Variants in TAFA1 observed in about 807,000 individuals in gnomAD.
TAFA1 encodes the protein chemokine-like protein TAFA-1.
TAFA1 carries 4 observed loss-of-function variants against 18.5 expected under a neutral mutation model. That is an observed-to-expected ratio of 0.22 (90% CI 0.11 to 0.49). The LOEUF is 0.49. Ranked by LOEUF, TAFA1 falls within the 20% of genes least tolerant of loss-of-function variation. The probability of loss-of-function intolerance (pLI) is 0.98; values close to 1 mark genes in which losing one functional copy is unlikely to be tolerated. For synonymous variants in TAFA1, 56 were observed against 55.2 expected (o/e 1.01, Z -0.06); for missense variants, 147 against 169.0 (o/e 0.87, Z 0.72).
At chr3:68,237,025 G>A (rs951059985) in intron 2 of TAFA1, among the ~76,000 whole-genome samples, 5 of 152,184 alleles carry the variant, frequency 3.3e-5, no homozygotes, top group African/African-American at 1.2e-4. Flanking sequence ...CTCAACATAT[G>A]TAATGTTACA....
rs1452498473 is a variant in TAFA1, at chr3:68,393,235, CAAAT to C, written c.119-24041_119-24038del. Among the ~76,000 whole-genome samples the C allele has an allele frequency of 8.5e-5, 13 of 152,138 alleles. No individual in the cohort carries two copies. In the East Asian group the frequency reaches 2.5e-3, roughly 29 times the overall value. Reference sequence around the variant, plus strand: ...AGAGAATACTATAAACAACTGTACACAAATAAACTGGAAAATCTAGAAGAAATGG... The same window carrying C: ...AGAGAATACTATAAACAACTGTACACAAACTGGAAAATCTAGAAGAAATGG... On this transcript the variant is annotated intron_variant, in intron 2 of 4. Coordinates refer to ENST00000478136, the MANE Select transcript of TAFA1 (RefSeq NM_213609.4).
chr3:68,321,013 C>T (rs1315983981), intron 2 of TAFA1, among the ~76,000 whole-genome samples: 2 of 152,186 alleles, frequency 1.3e-5, no homozygotes, highest in Non-Finnish European at 2.9e-5. Context: ...GGGGGCCACA[C>T]AGACTATATT....
At chr3:68,169,139 T>C (rs140518577) in intron 2 of TAFA1, among the ~76,000 whole-genome samples, 26 of 152,114 alleles carry the variant, frequency 1.7e-4, no homozygotes, top group African/African-American at 6.0e-4. Context: ...GAATCCAGGC[T>C]GGTCTTGTAT....
chr3:68,328,128 C>A (rs1266819319), intron 2 of TAFA1, among the ~76,000 whole-genome samples: 4 of 152,222 alleles, frequency 2.6e-5, no homozygotes, highest in Non-Finnish European at 4.4e-5. Context: ...TCTAGGATCT[C>A]ATTTTTCTCA....
chr3:68,480,705 C>G (rs2072218021), intron 3 of TAFA1, among the ~76,000 whole-genome samples: 1 of 152,140 alleles, frequency 6.6e-6, no homozygotes, highest in South Asian at 2.1e-4. Flanking sequence ...TTGTTTCATA[C>G]AGCAAATAAT....
At position 68,259,852 on chromosome 3, in the gene TAFA1, T is replaced by G. The variant is rs2067377278; in HGVS notation, c.119-157428T>G. Reference sequence around the variant, plus strand: ...GAGATTTTGGGCTGAGACAATGGGTTTTTCTAGATATACAATCATGTCATC... The same window carrying G: ...GAGATTTTGGGCTGAGACAATGGGTGTTTCTAGATATACAATCATGTCATC... On this transcript the variant is annotated intron_variant, in intron 2 of 4. Coordinates refer to ENST00000478136, the MANE Select transcript of TAFA1 (RefSeq NM_213609.4). Among the ~76,000 whole-genome samples the G allele has an allele frequency of 2.0e-5, 3 of 152,236 alleles. No individual in the cohort carries two copies. In the South Asian group the frequency reaches 6.2e-4, roughly 32 times the overall value.
chr3:68,395,830 A>G (rs541241904), intron 2 of TAFA1, among the ~76,000 whole-genome samples: 1 of 152,276 alleles, frequency 6.6e-6, no homozygotes, highest in South Asian at 2.1e-4. Context: ...AGGGAGGGAT[A>G]CTATTAGGAG....
At chr3:68,223,838 A>G (rs2066761834) in intron 2 of TAFA1, among the ~76,000 whole-genome samples, 1 of 152,120 alleles carries the variant, frequency 6.6e-6, no homozygotes. Flanking sequence ...TGACTGATCA[A>G]TGCCTTCTGG....
chr3:68,352,441 G>A (rs1441790541), intron 2 of TAFA1, among the ~76,000 whole-genome samples: 11 of 152,118 alleles, frequency 7.2e-5, no homozygotes, highest in African/African-American at 2.4e-4. Flanking sequence ...GCTTCCAGAG[G>A]TGAAAAACTA....
intron 2 of TAFA1, among the ~76,000 whole-genome samples, chr3:68,379,055 T>A (rs945056366): frequency 2.6e-5 from 4 of 152,204 alleles, no homozygotes; most frequent in Admixed American, 6.5e-5. Flanking sequence ...CAAATGTTAT[T>A]TCTGTTTTCA....
At chr3:68,200,519 G>A (rs112540141) in intron 2 of TAFA1, among the ~76,000 whole-genome samples, 7,473 of 151,522 alleles carry the variant, frequency 0.049, 274 homozygotes, top group Non-Finnish European at 0.064. Flanking sequence ...AATAGATATC[G>A]GCCTATTTAA....
chr3:68,184,226 A>T (rs193145141), intron 2 of TAFA1, among the ~76,000 whole-genome samples: 1 of 152,164 alleles, frequency 6.6e-6, no homozygotes, highest in Admixed American at 6.5e-5. Context: ...ACTAACATTT[A>T]TGATAATTCA....
chr3:68,337,363 T>C (rs1004565334), intron 2 of TAFA1, among the ~76,000 whole-genome samples: 8 of 151,942 alleles, frequency 5.3e-5, no homozygotes, highest in Non-Finnish European at 7.4e-5. Context: ...TCACTTACTG[T>C]CACGAGTAGA....
intron 2 of TAFA1, among the ~76,000 whole-genome samples, chr3:68,056,809 A>C (rs921656240): frequency 6.6e-6 from 1 of 152,136 alleles, no homozygotes; most frequent in Non-Finnish European, 1.5e-5. Flanking sequence ...AGTTCCAAGA[A>C]AAAAAGCAAA....
intron 4 of TAFA1, 73 bp from the exon 5 acceptor site, chr3:68,544,413 T>C (rs2073423639): frequency 2.0e-6 from 3 of 1,478,708 alleles, no homozygotes; most frequent in African/African-American, 2.8e-5. Flanking sequence ...CCTCCTTTTC[T>C]ACATAATCAC....
chr3:68,156,588 A>G (rs2065869636), intron 2 of TAFA1, among the ~76,000 whole-genome samples: 1 of 152,204 alleles, frequency 6.6e-6, no homozygotes, highest in Admixed American at 6.5e-5. Context: ...CTGTTGGGCA[A>G]TAAAATGATC....
At chr3:68,222,459 G>T (rs1259361101) in intron 2 of TAFA1, among the ~76,000 whole-genome samples, 1 of 152,036 alleles carries the variant, frequency 6.6e-6, no homozygotes, top group African/African-American at 2.4e-5. Flanking sequence ...CCCTCCTCTT[G>T]CCTTCAGGGT....
intron 3 of TAFA1, among the ~76,000 whole-genome samples, chr3:68,453,408 A>T (rs1464615769): frequency 6.6e-6 from 1 of 152,216 alleles, no homozygotes; most frequent in East Asian, 1.9e-4. Context: ...ATCAAAATGC[A>T]AGCTGTAACA....
In TAFA1 at chr3:68,006,656, C is replaced by G. The variant is rs756635157; in HGVS notation, c.30C>G (p.Val10=). 1 of 1,613,892 alleles carries G rather than the reference C, an allele frequency of 6.2e-7. No individual in the cohort carries two copies. The highest frequency in any genetic ancestry group is 8.5e-7 in the Non-Finnish European group (1 of 1,179,810). The change falls in exon 2 of 5, where the codon GTC becomes GTG. Residue 10 remains valine, a synonymous_variant. Coordinates refer to ENST00000478136, the MANE Select transcript of TAFA1 (RefSeq NM_213609.4). ...CAATGGTCTCTGCGATGTCCTGGGT[C>G]CTGTATTTGTGGATAAGTGCTTGTG... MAMVSAMSW[V]LYLWISACAM...
Sources: allele counts gnomAD v4.1 joint callset (sites outside exome capture counted in the v4.1 genomes callset), GRCh38; gene constraint gnomAD v4.1.1; transcripts MANE v1.5; gene names NCBI Gene and HGNC (gene_info 2026-07-23, HGNC 2026-07-21).